The following HTT variants were observed in gnomAD, a reference collection of about 807,000 sequenced individuals.
HTT encodes huntington disease protein.
A neutral mutation model predicts 362.3 loss-of-function variants in HTT; 104 were observed. The ratio of observed to expected loss-of-function variants is 0.29; its 90% CI spans 0.24 to 0.34. The LOEUF (loss-of-function observed/expected upper bound fraction) is 0.34. HTT is among the 10% of genes least tolerant of loss of function. The pLI, the probability that HTT is intolerant of heterozygous loss-of-function variation, is 1.00. For synonymous variants in HTT, 1,577 were observed against 1,548.7 expected, an observed-to-expected ratio of 1.02 and a Z score of -0.43; for missense variants, 3,301 against 3,928.6, an observed-to-expected ratio of 0.84 and a Z score of 4.27.
intron 41 of HTT, among the ~76,000 whole-genome samples, chr4:3,203,486 G>C (rs1347817137): frequency 6.6e-6 from 1 of 152,242 alleles, no homozygotes; most frequent in Non-Finnish European, 1.5e-5. Flanking sequence ...AAAGTGAGAA[G>C]TCAGTGTAGA....
intron 3 of HTT, among the ~76,000 whole-genome samples, chr4:3,102,538 T>C (rs1253183789): frequency 1.3e-5 from 2 of 152,246 alleles, no homozygotes; most frequent in African/African-American, 4.8e-5. Context: ...GTTTCTGAGA[T>C]GTTTTTACTC....
chr4:3,141,065 G>A (rs550707714), intron 22 of HTT, among the ~76,000 whole-genome samples: 1 of 152,192 alleles, frequency 6.6e-6, no homozygotes, highest in Non-Finnish European at 1.5e-5. Context: ...TTATCCACTA[G>A]TTCAGTGATT....
chr4:3,102,931 C>A (rs1714226039), intron 3 of HTT, among the ~76,000 whole-genome samples: 1 of 152,058 alleles, frequency 6.6e-6, no homozygotes, highest in Admixed American at 6.5e-5. Context: ...GAATGTGGGG[C>A]CCCAGCTGGC....
chr4:3,233,112 T>C, intron 60 of HTT, 51 bp from the exon 61 acceptor site: 1 of 1,488,600 alleles, frequency 6.7e-7, no homozygotes, highest in Non-Finnish European at 9.2e-7. Flanking sequence ...GAGGAGCCAC[T>C]GGGACGTGAG....
At chr4:3,177,840 C>A (rs363133) in intron 34 of HTT, among the ~76,000 whole-genome samples, 4 of 152,164 alleles carry the variant, frequency 2.6e-5, no homozygotes, top group Admixed American at 1.3e-4. Flanking sequence ...AGTTAAAATT[C>A]TTTTAGTACC....
At position 3,225,622 on chromosome 4, in the gene HTT, C is replaced by G. The variant is rs773318056; in HGVS notation, c.7766-39C>G. ...ATGGGGTGGGCCTGCGGCCCTGCCC[C>G]CCTGTGCAGATCAAGACTCAGGGTG... is the stretch of plus-strand genomic sequence containing the variant. On this transcript the variant is annotated intron_variant, in intron 56 of 66. Transcript: ENST00000355072. The G allele has an allele frequency of 2.5e-6, 4 of 1,590,006 alleles. No individual in the cohort carries two copies. In the Admixed American group the frequency reaches 5.0e-5, roughly 20 times the overall value.
intron 28 of HTT, among the ~76,000 whole-genome samples, chr4:3,160,032 T>G (rs1039351098): frequency 6.6e-6 from 1 of 152,242 alleles, no homozygotes; most frequent in Non-Finnish European, 1.5e-5. Context: ...GAATTATTTC[T>G]TCCAGTAGCG....
At chr4:3,187,083 T>A (rs1352251183) in intron 38 of HTT, among the ~76,000 whole-genome samples, 1 of 151,518 alleles carries the variant, frequency 6.6e-6, no homozygotes, top group African/African-American at 2.4e-5. Context: ...ATGGTCTTGA[T>A]CTCCTGACCT....
rs6816961 is a variant in HTT at position 3,105,461 on chromosome 4, G to A, written c.608+25G>A. 1.7e-5 allele frequency: 26 copies of A among 1,508,416 alleles called. No individual in the cohort carries two copies. The African/African-American group carries it at 3.4e-4, about 20-fold the overall frequency. 93.4% of individuals were successfully genotyped at this position (1,508,416 alleles called of 1,614,324 possible). ...GGTAAGTTGTACACTCTGGATGTTG[G>A]TTTTTGTCGGGGGCCAGCTGCTACT... On this transcript the variant is annotated intron_variant, in intron 5 of 66. Coordinates refer to ENST00000355072, the MANE Select transcript of HTT (RefSeq NM_001388492.1).
chr4:3,101,980 T>C (rs1714180210), intron 3 of HTT, among the ~76,000 whole-genome samples: 2 of 152,238 alleles, frequency 1.3e-5, no homozygotes, highest in Admixed American at 1.3e-4. Flanking sequence ...ACCCATCTTA[T>C]GCTGCCAGAG....
intron 1 of HTT, among the ~76,000 whole-genome samples, chr4:3,077,215 T>G (rs1473753895): frequency 6.6e-6 from 1 of 152,074 alleles, no homozygotes; most frequent in Middle Eastern, 3.2e-3. Flanking sequence ...TTTGCATAAG[T>G]AATACATTGA....
At chr4:3,094,778 C>T (rs1040582510) in intron 2 of HTT, among the ~76,000 whole-genome samples, 2 of 150,182 alleles carry the variant, frequency 1.3e-5, no homozygotes, top group African/African-American at 4.9e-5. Flanking sequence ...GACGGGGCGG[C>T]TGCTGGGCGG....
intron 29 of HTT, among the ~76,000 whole-genome samples, chr4:3,168,957 G>A (rs1286876151): frequency 6.6e-6 from 1 of 151,006 alleles, no homozygotes; most frequent in South Asian, 2.1e-4. Context: ...ATTGAGGTTG[G>A]GTCTGTGGCT....
At chr4:3,226,548 T>C (rs1720926353) in intron 57 of HTT, among the ~76,000 whole-genome samples, 2 of 152,220 alleles carry the variant, frequency 1.3e-5, no homozygotes, top group Non-Finnish European at 2.9e-5. Flanking sequence ...AGGTGTATGC[T>C]GGGCGGGGCC....
intron 1 of HTT, among the ~76,000 whole-genome samples, chr4:3,075,366 A>G (rs1712464569): frequency 6.6e-6 from 1 of 152,232 alleles, no homozygotes; most frequent in Non-Finnish European, 1.5e-5. Flanking sequence ...GAGGGGAGTC[A>G]CGGCCTCAGC....
intron 26 of HTT, among the ~76,000 whole-genome samples, chr4:3,149,397 AAAC>A (rs1716769227): frequency 1.3e-5 from 2 of 149,918 alleles, no homozygotes; most frequent in Non-Finnish European, 3.0e-5. Context: ...TCCTGGGTTC[AAAC>A]GATTCTTCTG....
chr4:3,206,406 C>T lies in HTT; in HGVS notation c.5719-90C>T. 1.0e-6 allele frequency: 1 copy of T among 958,558 alleles called. No individual in the cohort carries two copies. The highest frequency in any genetic ancestry group is 1.5e-5 in the South Asian group (1 of 68,004). The allele number at this position is 958,558 out of a possible 1,614,324, so 59.4% of individuals were successfully genotyped here. On this transcript the variant is annotated intron_variant, in intron 42 of 66. Transcript: ENST00000355072. The surrounding 1 kb of genome is among the most constrained non-coding windows in gnomAD (Gnocchi z 4.6). ...GTTTATATTTGGGATGTGTTTTCTC[C>T]TTCTTACCCTTTCTGGCCTTTCTAT...
At chr4:3,081,886 G>T (rs76394296) in intron 1 of HTT, among the ~76,000 whole-genome samples, 2 of 147,046 alleles carry the variant, frequency 1.4e-5, no homozygotes, top group African/African-American at 5.0e-5. Context: ...GGCTGTTTTT[G>T]TTTTTTTTTT....
At chr4:3,141,633 G>T (rs752726776) in intron 22 of HTT, among the ~76,000 whole-genome samples, 8 of 152,198 alleles carry the variant, frequency 5.3e-5, no homozygotes, top group Non-Finnish European at 8.8e-5. Flanking sequence ...GTGGTGGCGG[G>T]CCCCTGTAAT....
Sources: allele counts gnomAD v4.1 joint callset (sites outside exome capture counted in the v4.1 genomes callset), GRCh38; gene constraint gnomAD v4.1.1; non-coding constraint Gnocchi (gnomAD v3.1); transcripts MANE v1.5; gene names NCBI Gene and HGNC (gene_info 2026-07-23, HGNC 2026-07-21).